ATRNL1: variants seen among roughly 807,000 people sequenced by gnomAD.
The protein encoded by ATRNL1 is attractin like 1.
Under a neutral mutation model 182.7 loss-of-function variants are expected in ATRNL1, and 95 were observed. The ratio of observed to expected loss-of-function variants is 0.52; its 90% confidence interval spans 0.44 to 0.62. The LOEUF (loss-of-function observed/expected upper bound fraction) is 0.62, where lower values mean the gene tolerates loss of function less well. Among genes scored for constraint, ATRNL1 ranks in the 20% least tolerant of loss-of-function variants. ATRNL1 has a pLI of 0.00. For synonymous variants in ATRNL1, 576 were observed against 568.3 expected, an observed-to-expected ratio of 1.01 and a Z score of -0.19; for missense variants, 1,471 against 1,679.5, an observed-to-expected ratio of 0.88 and a Z score of 2.17.
chr10:115,426,295 A>G lies in ATRNL1; in HGVS notation c.3315A>G (p.Thr1105=), dbSNP rs538995833. 5.1e-5 allele frequency: 82 copies of G among 1,609,590 alleles called. No individual in the cohort carries two copies. In the South Asian group the frequency reaches 7.7e-4, roughly 15 times the overall value. Residue 1105 remains threonine, a synonymous_variant, in exon 21 of 29, where the codon ACA becomes ACG. Coordinates refer to ENST00000355044, the MANE Select transcript of ATRNL1 (RefSeq NM_207303.4). ...NRYVGNPLRG[T]CYYSLLIDYQ... is the part of the protein sequence containing the mutation. ...ATGTTGGTAATCCACTTAGAGGAAC[A>G]TGTTATTGTAAGTATATGTGTATTC...
chr10:115,233,458 A>C (rs1436661721), intron 9 of ATRNL1, among the ~76,000 whole-genome samples: 1 of 152,198 alleles, frequency 6.6e-6, no homozygotes, highest in East Asian at 1.9e-4. Context: ...ATAGTTGATC[A>C]GATTATATAC....
chr10:115,318,273 C>T (rs1203149915), intron 18 of ATRNL1, among the ~76,000 whole-genome samples: 2 of 152,120 alleles, frequency 1.3e-5, no homozygotes, highest in Non-Finnish European at 2.9e-5. Flanking sequence ...TTTTGATGTG[C>T]TGCTGGATTC....
chr10:115,516,398 C>A (rs1248410907), intron 24 of ATRNL1, among the ~76,000 whole-genome samples: 1 of 151,840 alleles, frequency 6.6e-6, no homozygotes, highest in South Asian at 2.1e-4. Flanking sequence ...ATGTACCTAA[C>A]TACTTATTTT....
intron 1 of ATRNL1, among the ~76,000 whole-genome samples, chr10:115,097,169 G>A (rs1343029969): frequency 6.6e-6 from 1 of 151,988 alleles, no homozygotes; most frequent in East Asian, 1.9e-4. Context: ...GTCAAATTTG[G>A]ATACTTCATT....
At chr10:115,162,158 A>G (rs1554883449) in intron 6 of ATRNL1, among the ~76,000 whole-genome samples, 2 of 151,996 alleles carry the variant, frequency 1.3e-5, no homozygotes, top group Non-Finnish European at 2.9e-5. Flanking sequence ...CAAAAAAAAA[A>G]CACTATTACC....
At chr10:115,480,927 C>T (rs781726936) in intron 24 of ATRNL1, among the ~76,000 whole-genome samples, 45 of 150,880 alleles carry the variant, frequency 3.0e-4, no homozygotes, top group Admixed American at 1.3e-3. Flanking sequence ...ATCTGCTTTT[C>T]TAAGAAAATT....
intron 17 of ATRNL1, among the ~76,000 whole-genome samples, chr10:115,314,406 T>C (rs528967641): frequency 6.6e-6 from 1 of 152,326 alleles, no homozygotes; most frequent in East Asian, 1.9e-4. Context: ...TTCTTAGGAA[T>C]GTTTTTGTTT....
chr10:115,246,172 A>G (rs1850629709), intron 10 of ATRNL1, among the ~76,000 whole-genome samples: 1 of 152,192 alleles, frequency 6.6e-6, no homozygotes, highest in Non-Finnish European at 1.5e-5. Context: ...TGTGTAGTGT[A>G]CATTAGTATA....
chr10:115,693,474 A>C (rs1946456851), intron 26 of ATRNL1, among the ~76,000 whole-genome samples: 1 of 152,140 alleles, frequency 6.6e-6, no homozygotes, highest in Non-Finnish European at 1.5e-5. Context: ...TCCAAACCAA[A>C]TTACTCACAA....
chr10:115,175,636 C>T (rs1847473323), intron 8 of ATRNL1, among the ~76,000 whole-genome samples: 1 of 151,880 alleles, frequency 6.6e-6, no homozygotes, highest in Admixed American at 6.6e-5. Context: ...ATAGATAAAC[C>T]ATGGGCAGTT....
intron 18 of ATRNL1, among the ~76,000 whole-genome samples, chr10:115,333,097 G>A: frequency 6.6e-6 from 1 of 152,174 alleles, no homozygotes; most frequent in East Asian, 1.9e-4. Context: ...CAAACAATTG[G>A]CACCAGCAGA....
At chr10:115,516,607 A>G (rs1554983949) in intron 24 of ATRNL1, among the ~76,000 whole-genome samples, 1 of 151,790 alleles carries the variant, frequency 6.6e-6, no homozygotes, top group African/African-American at 2.4e-5. Flanking sequence ...CCCTTATAAT[A>G]TATTCCGAAC....
rs1450984491 is a variant in ATRNL1, at chr10:115,533,809, G to A, written c.3716+14485G>A. Among the ~76,000 whole-genome samples, 11 of 150,762 alleles carry A rather than the reference G, an allele frequency of 7.3e-5. No homozygotes were observed. The East Asian group carries it at 2.1e-3, about 29-fold the overall frequency. On this transcript the variant is annotated intron_variant, in intron 25 of 28. Transcript: ENST00000355044. Reference sequence around the variant, plus strand: ...AGAGATTCTGGTATGTTGTGTCTTTGTTCTCGTTGGTTTCAAAAAACATCT... The same window carrying A: ...AGAGATTCTGGTATGTTGTGTCTTTATTCTCGTTGGTTTCAAAAAACATCT...
At chr10:115,681,068 T>G (rs1555044580) in intron 26 of ATRNL1, among the ~76,000 whole-genome samples, 1 of 152,114 alleles carries the variant, frequency 6.6e-6, no homozygotes, top group African/African-American at 2.4e-5. Flanking sequence ...ACTATCAAAA[T>G]TTACATTACG....
At chr10:115,834,168 A>G (rs1555094668) in intron 27 of ATRNL1, among the ~76,000 whole-genome samples, 1 of 152,136 alleles carries the variant, frequency 6.6e-6, no homozygotes, top group Non-Finnish European at 1.5e-5. Context: ...CACTCCAAGA[A>G]CTTGCTCCCC....
intron 10 of ATRNL1, among the ~76,000 whole-genome samples, chr10:115,253,416 T>C (rs1554905843): frequency 6.6e-6 from 1 of 152,122 alleles, no homozygotes; most frequent in Non-Finnish European, 1.5e-5. Flanking sequence ...GTGAGGTAGC[T>C]TGCAACTGAC....
chr10:115,306,374 C>T (rs1370149881), intron 17 of ATRNL1, among the ~76,000 whole-genome samples: 1 of 152,116 alleles, frequency 6.6e-6, no homozygotes. Context: ...ATTCCAATGC[C>T]AATCTAATTT....
chr10:115,578,741 GT>G (rs1451386144), intron 26 of ATRNL1, among the ~76,000 whole-genome samples: 1 of 151,214 alleles, frequency 6.6e-6, no homozygotes, highest in Non-Finnish European at 1.5e-5. Context: ...TCCTATGCTG[GT>G]CTTTATTAGT....
At chr10:115,782,397 G>T (rs1486663035) in intron 27 of ATRNL1, among the ~76,000 whole-genome samples, 1 of 152,186 alleles carries the variant, frequency 6.6e-6, no homozygotes, top group Non-Finnish European at 1.5e-5. Flanking sequence ...CCCTAATGTT[G>T]ATTGTTGTTT....
Sources: gnomAD v4.1 joint callset for allele counts (sites outside exome capture counted in the v4.1 genomes callset) on GRCh38, gnomAD v4.1.1 for gene constraint, MANE v1.5 for transcripts, NCBI Gene and HGNC (gene_info 2026-07-23, HGNC 2026-07-21) for gene names.